ITPR2: variants seen among roughly 807,000 people sequenced by gnomAD.
The protein encoded by ITPR2 is inositol 1,4,5-trisphosphate receptor type 2.
A neutral mutation model predicts 317.1 loss-of-function variants in ITPR2; 207 were observed. The observed-to-expected ratio is 0.65, with a 90% CI of 0.58 to 0.73. ITPR2 has a LOEUF of 0.73. ITPR2 is among the 30% of genes least tolerant of loss of function. The pLI is 0.00. For missense variants in ITPR2, 2,613 were observed against 3,284.0 expected, an observed-to-expected ratio of 0.80 and a Z score of 4.99; for synonymous variants, 1,156 against 1,149.1, an observed-to-expected ratio of 1.01 and a Z score of -0.12.
chr12:26,537,417 G>A (rs1374505152), intron 37 of ITPR2, among the ~76,000 whole-genome samples: 1 of 152,136 alleles, frequency 6.6e-6, no homozygotes, highest in African/African-American at 2.4e-5. Context: ...CATCCTCAAA[G>A]GTGCACCCAA....
At chr12:26,490,958 A>G (rs1313564254) in intron 39 of ITPR2, among the ~76,000 whole-genome samples, 1 of 152,226 alleles carries the variant, frequency 6.6e-6, no homozygotes. Flanking sequence ...ATTGAGTTGA[A>G]TCCTCAAAGA....
chr12:26,791,346 G>A (rs1950337015), intron 1 of ITPR2, among the ~76,000 whole-genome samples: 1 of 151,550 alleles, frequency 6.6e-6, no homozygotes, highest in Admixed American at 6.6e-5. Flanking sequence ...CATTTAAAGG[G>A]AGATGCCCAA....
intron 39 of ITPR2, among the ~76,000 whole-genome samples, chr12:26,491,654 T>C (rs980774337): frequency 2.6e-5 from 4 of 151,544 alleles, no homozygotes; most frequent in African/African-American, 4.9e-5. Context: ...TTGAAAATAA[T>C]AGAGTATGGA....
chr12:26,493,277 T>C (rs1351506589), intron 39 of ITPR2, among the ~76,000 whole-genome samples: 2 of 152,250 alleles, frequency 1.3e-5, no homozygotes, highest in Non-Finnish European at 2.9e-5. Flanking sequence ...GTTCCTATTG[T>C]TCAATGTATT....
chr12:26,602,643 T>G lies in ITPR2; in HGVS notation c.3526A>C (p.Ser1176Arg). ...TKKPQIDSNKSNNYRIVKEIL... is the reference protein window; with the variant it reads ...TKKPQIDSNKRNNYRIVKEIL... ...TCCTTTACAATCCGGTAGTTATTGC[T>G]CTTGTTGCTGTCAATCTGAGGTTTC... Residue 1176 changes from serine (S) to arginine (R), a missense_variant, in exon 27 of 57, where the codon AGC becomes CGC. Physicochemically the swap from Ser to Arg is moderately radical, Grantham distance 110 (BLOSUM62 -1). Transcript: ENST00000381340. The G allele has an allele frequency of 6.2e-7, 1 of 1,611,456 alleles. No homozygotes were observed. The highest frequency in any genetic ancestry group is 1.7e-4 in the Middle Eastern group (1 of 6,050).
At chr12:26,510,488 G>A (rs558439788) in intron 37 of ITPR2, among the ~76,000 whole-genome samples, 1 of 152,330 alleles carries the variant, frequency 6.6e-6, no homozygotes, top group Admixed American at 6.5e-5. Flanking sequence ...GCTTTAGCAG[G>A]CTAGAGAAGG....
chr12:26,384,463 G>A (rs1278646513), intron 55 of ITPR2, among the ~76,000 whole-genome samples: 3 of 152,286 alleles, frequency 2.0e-5, no homozygotes, highest in Non-Finnish European at 2.9e-5. Context: ...AAAATGAAAC[G>A]TTTCATGTTG....
At chr12:26,570,690 GA>G (rs1183631425) in intron 34 of ITPR2, among the ~76,000 whole-genome samples, 1 of 152,198 alleles carries the variant, frequency 6.6e-6, no homozygotes, top group East Asian at 1.9e-4. Context: ...TGAAGATTAT[GA>G]AACACATGGA....
chr12:26,681,864 A>G lies in ITPR2; in HGVS notation c.1409+10T>C. On this transcript the variant is annotated intron_variant, in intron 13 of 56. Coordinates refer to ENST00000381340, the MANE Select transcript of ITPR2 (RefSeq NM_002223.4). ...ACTCGTGATTATTTAAGACCAATTTAAAGAGTTACCTCCTTTCATTCTGAG... is the reference window on the plus strand; with the variant it reads ...ACTCGTGATTATTTAAGACCAATTTGAAGAGTTACCTCCTTTCATTCTGAG... The G allele has an allele frequency of 6.6e-7, 1 of 1,521,622 alleles. No homozygotes were observed. Among genetic ancestry groups the G allele is most frequent in the Non-Finnish European group, 8.8e-7 (1 of 1,135,942 alleles). The allele number at this position is 1,521,622 out of a possible 1,614,324, so 94.3% of individuals were successfully genotyped here.
intron 55 of ITPR2, among the ~76,000 whole-genome samples, chr12:26,373,010 G>A (rs180807069): frequency 7.9e-5 from 12 of 152,200 alleles, no homozygotes; most frequent in South Asian, 2.1e-4. Flanking sequence ...TGAAAAGGCC[G>A]CAGCACAAGG....
intron 54 of ITPR2, among the ~76,000 whole-genome samples, chr12:26,391,470 C>T (rs975730287): frequency 6.6e-6 from 1 of 150,696 alleles, no homozygotes; most frequent in African/African-American, 2.4e-5. Flanking sequence ...AATGGTACAT[C>T]TGGCAGAAAC....
intron 32 of ITPR2, among the ~76,000 whole-genome samples, chr12:26,589,853 TAC>T (rs56044866): frequency 4.2e-4 from 24 of 57,266 alleles, no homozygotes; most frequent in Middle Eastern, 9.8e-3. Flanking sequence ...TATATATATA[TAC>T]ACACACACAC....
intron 16 of ITPR2, 36 bp downstream of exon 16, chr12:26,659,077 C>T: frequency 6.5e-7 from 1 of 1,539,902 alleles, no homozygotes; most frequent in East Asian, 2.3e-5. Flanking sequence ...GCCGCAATCT[C>T]CACTAGAAAA....
chr12:26,767,479 T>C (rs1949742705), intron 2 of ITPR2, among the ~76,000 whole-genome samples: 1 of 152,204 alleles, frequency 6.6e-6, no homozygotes, highest in East Asian at 1.9e-4. Flanking sequence ...AACTGTAAAA[T>C]TGATGTGTCA....
At chr12:26,553,625 A>G (rs1011660276) in intron 36 of ITPR2, among the ~76,000 whole-genome samples, 1 of 152,026 alleles carries the variant, frequency 6.6e-6, no homozygotes, top group African/African-American at 2.4e-5. Context: ...TCTCTTAAAA[A>G]ACAGAAAAAA....
intron 10 of ITPR2, among the ~76,000 whole-genome samples, chr12:26,695,193 T>C (rs538583494): frequency 1.8e-4 from 27 of 152,346 alleles, no homozygotes; most frequent in African/African-American, 6.0e-4. Context: ...TAAAACTTTT[T>C]AAAAATCTAG....
At chr12:26,497,901 T>C (rs1360809152) in intron 37 of ITPR2, among the ~76,000 whole-genome samples, 1 of 151,824 alleles carries the variant, frequency 6.6e-6, no homozygotes, top group Non-Finnish European at 1.5e-5. Flanking sequence ...TTTTGTTTTG[T>C]TTTTTGTATT....
intron 28 of ITPR2, 118 bp from the exon 29 acceptor site, chr12:26,600,227 C>A: frequency 1.3e-6 from 1 of 780,946 alleles, no homozygotes. Context: ...GATCTCCTTT[C>A]TCTGTGTCCT....
At chr12:26,513,478 T>A (rs1446991401) in intron 37 of ITPR2, among the ~76,000 whole-genome samples, 1 of 152,166 alleles carries the variant, frequency 6.6e-6, no homozygotes, top group Non-Finnish European at 1.5e-5. Context: ...TCACTCTGAA[T>A]GGGCAATTAC....
Sources: allele counts gnomAD v4.1 joint callset (sites outside exome capture counted in the v4.1 genomes callset), GRCh38; gene constraint gnomAD v4.1.1; transcripts MANE v1.5; gene names NCBI Gene and HGNC (gene_info 2026-07-23, HGNC 2026-07-21).